Variants in SUGCT observed in about 807,000 individuals in gnomAD.
SUGCT encodes the protein succinyl-CoA:glutarate-CoA transferase.
In SUGCT, 41 loss-of-function variants were observed where a neutral mutation model predicts 55.0. That is an observed-to-expected ratio of 0.74 (90% CI 0.58 to 0.97). The LOEUF is 0.97. Ranked by LOEUF, SUGCT falls within the 50% of genes least tolerant of loss-of-function variation. The pLI is 0.00. For missense variants in SUGCT, 568 were observed against 547.8 expected (o/e 1.04, Z -0.37); for synonymous variants, 187 against 200.4 (o/e 0.93, Z 0.56).
intron 9 of SUGCT, among the ~76,000 whole-genome samples, chr7:40,439,852 A>T (rs952292442): frequency 2.0e-5 from 3 of 152,078 alleles, no homozygotes; most frequent in Non-Finnish European, 2.9e-5. Flanking sequence ...CCCTTTCCTT[A>T]ACAGTTATGG....
the SUGCT span, among the ~76,000 whole-genome samples, chr7:40,872,496 T>C: frequency 6.6e-6 from 1 of 152,194 alleles, no homozygotes; most frequent in South Asian, 2.1e-4. Context: ...ACAGGGAAGA[T>C]CTTAGTTCTT....
intron 9 of SUGCT, among the ~76,000 whole-genome samples, chr7:40,404,646 A>G (rs1786262244): frequency 6.6e-6 from 1 of 152,150 alleles, no homozygotes; most frequent in Non-Finnish European, 1.5e-5. Flanking sequence ...CATGTTGGCC[A>G]GGCTGGTCTC....
At chr7:40,529,441 CT>C (rs1173589919) in intron 12 of SUGCT, among the ~76,000 whole-genome samples, 1 of 152,224 alleles carries the variant, frequency 6.6e-6, no homozygotes, top group Non-Finnish European at 1.5e-5. Flanking sequence ...ATGCAGAGAA[CT>C]CACCAACAGG....
chr7:40,669,688 A>C (rs1028252046), intron 12 of SUGCT, among the ~76,000 whole-genome samples: 1 of 151,850 alleles, frequency 6.6e-6, no homozygotes, highest in African/African-American at 2.4e-5. Context: ...TAACAGCAGA[A>C]TGAAGGGAAC....
Position 40,135,016 on chromosome 7 carries a change from A to G in SUGCT, c.-5A>G. On this transcript the variant is annotated 5_prime_UTR_variant, in exon 1 of 14. Coordinates refer to ENST00000335693, the MANE Select transcript of SUGCT (RefSeq NM_001193313.2). ...CCGGGACCGATGCCATCTGAGACGC[A>G]CGCGATGCTGGCGACGCTGGCGAGG... 1.3e-6 allele frequency: 2 copies of G among 1,559,088 alleles called. No homozygotes were observed. The highest frequency in any genetic ancestry group is 1.7e-6 in the Non-Finnish European group (2 of 1,153,378).
At chr7:40,307,700 G>A (rs1794912866) in intron 8 of SUGCT, among the ~76,000 whole-genome samples, 1 of 152,200 alleles carries the variant, frequency 6.6e-6, no homozygotes, top group Non-Finnish European at 1.5e-5. Flanking sequence ...ACTAGAAACT[G>A]ATAAACGTGG....
chr7:40,972,666 C>G, the SUGCT span, among the ~76,000 whole-genome samples: 2 of 152,178 alleles, frequency 1.3e-5, no homozygotes, highest in Non-Finnish European at 2.9e-5. Context: ...AAGCACCAGC[C>G]TGGGAAATGG....
the SUGCT span, among the ~76,000 whole-genome samples, chr7:40,989,406 A>G: frequency 1.3e-5 from 2 of 152,290 alleles, no homozygotes; most frequent in South Asian, 2.1e-4. Flanking sequence ...CATTTCAACA[A>G]TGTTCACAGC....
chr7:40,898,273 C>T, the SUGCT span, among the ~76,000 whole-genome samples: 2 of 152,106 alleles, frequency 1.3e-5, no homozygotes, highest in Non-Finnish European at 2.9e-5. Context: ...CACAAACCCA[C>T]CAGAAGGAAC....
At chr7:40,364,330 G>T (rs1390207088) in intron 9 of SUGCT, among the ~76,000 whole-genome samples, 1 of 151,558 alleles carries the variant, frequency 6.6e-6, no homozygotes, top group Non-Finnish European at 1.5e-5. Context: ...AGTTAATATT[G>T]TTATGTGTGA....
chr7:40,549,269 T>A (rs1270806029), intron 12 of SUGCT, among the ~76,000 whole-genome samples: 1 of 152,228 alleles, frequency 6.6e-6, no homozygotes, highest in Non-Finnish European at 1.5e-5. Flanking sequence ...TTTTATGTGT[T>A]ATTAGGTCTG....
At chr7:41,022,039 A>G in the SUGCT span, among the ~76,000 whole-genome samples, 3 of 152,176 alleles carry the variant, frequency 2.0e-5, no homozygotes, top group African/African-American at 7.2e-5. Context: ...CCAATATTCA[A>G]AAAGATAATG....
chr7:40,842,908 G>A (rs1222964136), intron 13 of SUGCT, among the ~76,000 whole-genome samples: 1 of 152,148 alleles, frequency 6.6e-6, no homozygotes, highest in African/African-American at 2.4e-5. Flanking sequence ...TTTGGTTCAT[G>A]TTCAGTGAAA....
At chr7:40,847,392 A>G (rs967508387) in intron 13 of SUGCT, among the ~76,000 whole-genome samples, 1 of 145,844 alleles carries the variant, frequency 6.9e-6, no homozygotes. Flanking sequence ...GATGACATAT[A>G]CATTTCTTTT....
chr7:40,228,323 G>C (rs879866909), intron 6 of SUGCT, among the ~76,000 whole-genome samples: 1 of 152,084 alleles, frequency 6.6e-6, no homozygotes, highest in Non-Finnish European at 1.5e-5. Flanking sequence ...TAGTAGTTGA[G>C]TTATATATTT....
rs1230451896 is a variant in SUGCT, at chr7:40,594,323, A to T, written c.1089+97937A>T. 4.7e-5 allele frequency among the ~76,000 whole-genome samples: 6 copies of T among 128,968 alleles called. No homozygotes were observed. In the South Asian group the frequency reaches 6.8e-4, roughly 15 times the overall value. The allele number at this position is 128,968 out of a possible 152,430, so 84.6% of individuals were successfully genotyped here. ...ACATGTACCCTAAAACTTAAAGTAT[A>T]AAAAAAAAAAAAGTAAAAAAAAAAA... On this transcript the variant is annotated intron_variant, in intron 12 of 13. Transcript: ENST00000335693.
At chr7:40,877,099 T>C in the SUGCT span, among the ~76,000 whole-genome samples, 1 of 152,234 alleles carries the variant, frequency 6.6e-6, no homozygotes, top group Admixed American at 6.5e-5. Flanking sequence ...CTCTTCTTTT[T>C]GTTTTGAAGG....
intron 9 of SUGCT, among the ~76,000 whole-genome samples, chr7:40,447,097 A>G (rs984994118): frequency 6.6e-6 from 1 of 152,164 alleles, no homozygotes; most frequent in Admixed American, 6.5e-5. Flanking sequence ...TTCATTAACA[A>G]TCACTCCCCA....
chr7:40,429,932 C>T (rs1225484543), intron 9 of SUGCT, among the ~76,000 whole-genome samples: 1 of 152,116 alleles, frequency 6.6e-6, no homozygotes, highest in African/African-American at 2.4e-5. Context: ...CAATATTTTT[C>T]TTTCTGTGTC....
Sources: gnomAD v4.1 joint callset for allele counts (sites outside exome capture counted in the v4.1 genomes callset) on GRCh38, gnomAD v4.1.1 for gene constraint, MANE v1.5 for transcripts, NCBI Gene and HGNC (gene_info 2026-07-23, HGNC 2026-07-21) for gene names.